Variants in VWA8 observed in about 807,000 individuals in gnomAD.
The protein encoded by VWA8 is von Willebrand factor A domain containing 8.
VWA8 carries 221 observed loss-of-function variants against 241.5 expected under a neutral mutation model. The observed-to-expected ratio is 0.91, with a 90% CI of 0.82 to 1.02. The LOEUF (loss-of-function observed/expected upper bound fraction) is 1.02. Among genes scored for constraint, VWA8 ranks in the 50% least tolerant of loss-of-function variants. The pLI is 0.00. For missense variants in VWA8, 2,322 were observed against 2,328.7 expected, an observed-to-expected ratio of 1.00 and a Z score of 0.06; for synonymous variants, 852 against 827.1, an observed-to-expected ratio of 1.03 and a Z score of -0.52.
intron 21 of VWA8, among the ~76,000 whole-genome samples, chr13:41,749,660 G>A (rs1593743022): frequency 6.6e-6 from 1 of 152,076 alleles, no homozygotes; most frequent in Non-Finnish European, 1.5e-5. Context: ...ATACACCATG[G>A]AATACTATGC....
chr13:41,926,961 T>C (rs1047150440), intron 2 of VWA8: 6 of 517,878 alleles, frequency 1.2e-5, no homozygotes, highest in Middle Eastern at 3.3e-4. Context: ...CAATCCTACA[T>C]TAATCTGTGA....
intron 20 of VWA8, among the ~76,000 whole-genome samples, chr13:41,766,794 T>G (rs2045781723): frequency 6.6e-6 from 1 of 152,196 alleles, no homozygotes; most frequent in Non-Finnish European, 1.5e-5. Flanking sequence ...TCTAGCAATG[T>G]GCCAGGTCCT....
intron 37 of VWA8, among the ~76,000 whole-genome samples, chr13:41,617,545 T>C (rs2044629003): frequency 6.6e-6 from 1 of 152,250 alleles, no homozygotes; most frequent in East Asian, 1.9e-4. Flanking sequence ...ACGTGCAGGT[T>C]TGTTACATAT....
intron 3 of VWA8, among the ~76,000 whole-genome samples, 165 bp from the exon 4 acceptor site, chr13:41,907,861 G>A (rs1875800799): frequency 6.6e-6 from 1 of 152,112 alleles, no homozygotes; most frequent in Non-Finnish European, 1.5e-5. Flanking sequence ...GAAATAAATT[G>A]AACTTTAATC....
Position 41,866,358 on chromosome 13 carries a change from A to AT in VWA8, c.1213-323_1213-322insA, listed in dbSNP as rs1051112742. Among the ~76,000 whole-genome samples the AT allele has an allele frequency of 2.8e-3, 407 of 145,904 alleles. 2 individuals carry two copies. The highest frequency in any genetic ancestry group is 6.5e-3 in the African/African-American group (249 of 38,434). On this transcript the variant is annotated intron_variant, in intron 10 of 44. Coordinates refer to ENST00000379310, the MANE Select transcript of VWA8 (RefSeq NM_015058.2). Reference sequence around the variant, plus strand: ...AGCGAGACTCTGTCCCAAAAAAAAAAATATATATATATATATATGTGTGTG... The same window carrying AT: ...AGCGAGACTCTGTCCCAAAAAAAAAATATATATATATATATATATGTGTGTG...
chr13:41,751,173 G>T (rs1238056223), intron 21 of VWA8, among the ~76,000 whole-genome samples: 1 of 152,112 alleles, frequency 6.6e-6, no homozygotes, highest in Non-Finnish European at 1.5e-5. Context: ...TCAATTTGGA[G>T]ATCATCTAGA....
At chr13:41,876,239 G>T (rs989632341) in intron 9 of VWA8, among the ~76,000 whole-genome samples, 1 of 152,010 alleles carries the variant, frequency 6.6e-6, no homozygotes, top group Non-Finnish European at 1.5e-5. Flanking sequence ...CTGTTAAAAT[G>T]ATCACTCATA....
At chr13:41,865,504 T>C (rs1873247960) in intron 12 of VWA8, 2 of 429,926 alleles carry the variant, frequency 4.7e-6, no homozygotes, top group Admixed American at 4.0e-5. Context: ...GGAAAATAAA[T>C]ATCTTTGAAA....
intron 2 of VWA8, among the ~76,000 whole-genome samples, chr13:41,948,611 G>A (rs1213881898): frequency 1.3e-5 from 2 of 152,126 alleles, no homozygotes; most frequent in Non-Finnish European, 2.9e-5. Flanking sequence ...ATGCTGACAA[G>A]GATGTAGAAC....
At chr13:41,760,588 G>T (rs535152156) in intron 21 of VWA8, among the ~76,000 whole-genome samples, 1 of 151,768 alleles carries the variant, frequency 6.6e-6, no homozygotes, top group East Asian at 1.9e-4. Context: ...ATTAGAACGG[G>T]TTCACTCATA....
rs544507421 is a variant in VWA8 at position 41,651,727 on chromosome 13, A to C, written c.4611+19219T>G. On this transcript the variant is annotated intron_variant, in intron 37 of 44. Coordinates refer to ENST00000379310, the MANE Select transcript of VWA8 (RefSeq NM_015058.2). The stretch of plus-strand genomic sequence containing the variant: ...ACTGTTAAAGTTTTTTTTCCAAAAA[A>C]ATCTTAGTTTGTGGGCCTACAGAAA... Among the ~76,000 whole-genome samples, 4 of 152,296 alleles carry C rather than the reference A, an allele frequency of 2.6e-5. No individual in the cohort carries two copies. The Middle Eastern group carries it at 0.014, about 518-fold the overall frequency.
rs558740011 is a variant in VWA8 at position 41,670,831 on chromosome 13, C to T, written c.4611+115G>A. On this transcript the variant is annotated intron_variant, in intron 37 of 44. Transcript: ENST00000379310. ...TTTGTATCTAAAAATTCTTTTAGTTCTTTAAGCAACTATTTTTGAGTCACT... is the reference window on the plus strand; with the variant it reads ...TTTGTATCTAAAAATTCTTTTAGTTTTTTAAGCAACTATTTTTGAGTCACT... The T allele has an allele frequency of 4.3e-6, 5 of 1,167,486 alleles. 1 individual carries two copies. In the South Asian group the frequency reaches 7.5e-5, roughly 17 times the overall value. 72.3% of individuals were successfully genotyped at this position (1,167,486 alleles called of 1,614,324 possible).
chr13:41,832,818 C>A (rs913523492), intron 13 of VWA8, among the ~76,000 whole-genome samples: 16 of 151,376 alleles, frequency 1.1e-4, no homozygotes, highest in Non-Finnish European at 1.3e-4. Context: ...CCAACTAAAC[C>A]AAAATAAGAA....
chr13:41,851,021 G>C (rs150803308), intron 12 of VWA8, among the ~76,000 whole-genome samples: 1 of 152,146 alleles, frequency 6.6e-6, no homozygotes, highest in Non-Finnish European at 1.5e-5. Flanking sequence ...ATTTTTTGTG[G>C]TAAGAACATT....
At chr13:41,853,592 T>C (rs1429668985) in intron 12 of VWA8, among the ~76,000 whole-genome samples, 1 of 152,162 alleles carries the variant, frequency 6.6e-6, no homozygotes, top group African/African-American at 2.4e-5. Flanking sequence ...CATTTCTTCA[T>C]GATTCAGTCT....
At chr13:41,692,264 C>T (rs2045183347) in intron 30 of VWA8, among the ~76,000 whole-genome samples, 1 of 151,900 alleles carries the variant, frequency 6.6e-6, no homozygotes, top group South Asian at 2.1e-4. Flanking sequence ...CACTTTGTTT[C>T]TTATATTAGG....
intron 19 of VWA8, among the ~76,000 whole-genome samples, chr13:41,779,604 C>A (rs1010181224): frequency 6.6e-6 from 1 of 152,040 alleles, no homozygotes; most frequent in African/African-American, 2.4e-5. Flanking sequence ...TTAAGCAAAC[C>A]AAGATATACA....
rs1555335151 is a variant in VWA8 at position 41,784,743 on chromosome 13, T to TATATATATATATACACACAC, written c.2171-843_2171-842insGTGTGTGTATATATATATAT. On this transcript the variant is annotated intron_variant, in intron 18 of 44. Coordinates refer to ENST00000379310, the MANE Select transcript of VWA8 (RefSeq NM_015058.2). ...ATATATATATATACACACACATATA[T>TATATATATATATACACACAC]ATATATATATATATATATACACACA... 3.3e-3 allele frequency among the ~76,000 whole-genome samples: 312 copies of TATATATATATATACACACAC among 94,916 alleles called. 3 individuals are homozygous for TATATATATATATACACACAC. Among genetic ancestry groups the TATATATATATATACACACAC allele is most frequent in the Non-Finnish European group, 4.4e-3 (198 of 44,696 alleles). The allele number at this position is 94,916 out of a possible 152,430, so 62.3% of individuals were successfully genotyped here. A position where few individuals can be genotyped will look rare whatever the true frequency, so the allele number is the denominator to read the frequency against.
Position 41,721,431 on chromosome 13 carries a change from T to C in VWA8, c.2903A>G (p.Gln968Arg). The change falls in exon 25 of 45, where the codon CAA becomes CGA. Residue 968 changes from glutamine (Q) to arginine (R), a missense_variant. Gln to Arg is a conservative substitution (Grantham distance 43, BLOSUM62 1). Coordinates refer to ENST00000379310, the MANE Select transcript of VWA8 (RefSeq NM_015058.2). ...AGAATAAGGATAGTTAATAATCCCT[T>C]GGTCAGCCAAACTCCTCAGCTCTCC... is the stretch of plus-strand genomic sequence containing the variant. ...AFGELRSLAD[Q>R]GIINYPYSTR... 1 of 1,613,848 alleles carries C rather than the reference T, an allele frequency of 6.2e-7. No individual in the cohort carries two copies. Among genetic ancestry groups the C allele is most frequent in the Non-Finnish European group, 8.5e-7 (1 of 1,179,824 alleles).
Sources: gnomAD v4.1 joint callset for allele counts (sites outside exome capture counted in the v4.1 genomes callset) on GRCh38, gnomAD v4.1.1 for gene constraint, MANE v1.5 for transcripts, NCBI Gene and HGNC (gene_info 2026-07-23, HGNC 2026-07-21) for gene names.